Variants in SCARA5 observed in about 807,000 individuals in gnomAD.
The protein encoded by SCARA5 is scavenger receptor class A, member 5 (putative).
SCARA5 carries 45 observed loss-of-function variants against 46.3 expected under a neutral mutation model. That is an observed-to-expected ratio of 0.97 (90% confidence interval 0.76 to 1.24). The LOEUF (loss-of-function observed/expected upper bound fraction) is 1.24, where lower values mean the gene tolerates loss of function less well. Among genes scored for constraint, SCARA5 ranks in the 50% most tolerant of loss-of-function variants. The pLI is 0.00. For missense variants in SCARA5, 680 were observed against 689.0 expected, an observed-to-expected ratio of 0.99 and a Z score of 0.15; for synonymous variants, 333 against 306.5, an observed-to-expected ratio of 1.09 and a Z score of -0.90.
intron 3 of SCARA5, among the ~76,000 whole-genome samples, chr8:27,947,277 G>C (rs567585510): frequency 1.4e-4 from 21 of 152,286 alleles, no homozygotes; most frequent in Admixed American, 4.6e-4. Flanking sequence ...CTCCCAAAGT[G>C]CTGGGATTAC....
intron 3 of SCARA5, among the ~76,000 whole-genome samples, chr8:27,924,233 A>G (rs1335665694): frequency 6.6e-6 from 1 of 152,224 alleles, no homozygotes; most frequent in African/African-American, 2.4e-5. Context: ...GGCACAGAAC[A>G]AATTCCACCT....
intron 2 of SCARA5, among the ~76,000 whole-genome samples, chr8:27,979,207 C>A (rs1808574083): frequency 6.6e-6 from 1 of 152,216 alleles, no homozygotes; most frequent in East Asian, 1.9e-4. Flanking sequence ...TGACTTCCCA[C>A]TCGCTCCTCT....
At chr8:27,983,040 C>A (rs1808648069) in intron 2 of SCARA5, among the ~76,000 whole-genome samples, 1 of 152,202 alleles carries the variant, frequency 6.6e-6, no homozygotes, top group Admixed American at 6.5e-5. Flanking sequence ...AGCCCATACC[C>A]CAAGGGTGTC....
chr8:27,891,212 T>G (rs1234635336), intron 7 of SCARA5, among the ~76,000 whole-genome samples: 1 of 151,122 alleles, frequency 6.6e-6, no homozygotes, highest in African/African-American at 2.4e-5. Flanking sequence ...TTTTTTTTGT[T>G]TTTTTTTTTA....
At chr8:27,965,190 T>C (rs143492062) in intron 3 of SCARA5, among the ~76,000 whole-genome samples, 8 of 152,308 alleles carry the variant, frequency 5.3e-5, no homozygotes, top group African/African-American at 1.9e-4. Flanking sequence ...TCAGGCAGCA[T>C]TGAACACCCC....
intron 2 of SCARA5, among the ~76,000 whole-genome samples, chr8:27,981,442 G>A (rs1808613112): frequency 6.6e-6 from 1 of 152,192 alleles, no homozygotes; most frequent in South Asian, 2.1e-4. Context: ...GGAGGGACAG[G>A]AGCAGCCCTG....
chr8:27,923,360 G>T (rs1221476658), intron 3 of SCARA5, among the ~76,000 whole-genome samples: 1 of 152,194 alleles, frequency 6.6e-6, no homozygotes, highest in Non-Finnish European at 1.5e-5. Context: ...AAGCCACAGT[G>T]TCTCCTGGAG....
At chr8:27,951,003 A>T (rs754536729) in intron 3 of SCARA5, among the ~76,000 whole-genome samples, 83 of 152,258 alleles carry the variant, frequency 5.5e-4, no homozygotes, top group African/African-American at 2.0e-3. Context: ...TGCTTAATAC[A>T]TCATCTCATC....
intron 2 of SCARA5, among the ~76,000 whole-genome samples, chr8:27,986,971 G>C (rs1808714489): frequency 6.6e-6 from 1 of 152,206 alleles, no homozygotes; most frequent in Non-Finnish European, 1.5e-5. Context: ...TGGATCTCCA[G>C]GGTTTTAGCA....
At chr8:27,937,455 T>A (rs1174166824) in intron 3 of SCARA5, among the ~76,000 whole-genome samples, 1 of 152,176 alleles carries the variant, frequency 6.6e-6, no homozygotes, top group Non-Finnish European at 1.5e-5. Flanking sequence ...GAGGCCCCAG[T>A]TGCCACAGTG....
chr8:27,923,619 AG>A (rs1167113362), intron 3 of SCARA5, among the ~76,000 whole-genome samples: 1 of 152,154 alleles, frequency 6.6e-6, no homozygotes, highest in African/African-American at 2.4e-5. Context: ...TGCTGTCGCC[AG>A]GTTGGAGTGC....
Position 27,871,896 on chromosome 8 carries a change from GC to G in SCARA5, c.*37del. The G allele has an allele frequency of 6.2e-7, 1 of 1,612,840 alleles. No homozygotes were observed. Among genetic ancestry groups the G allele is most frequent in the South Asian group, 1.1e-5 (1 of 91,020 alleles). On this transcript the variant is annotated 3_prime_UTR_variant, in exon 9 of 9. Transcript: ENST00000354914. Reference sequence around the variant, plus strand: ...CCCACCCCAGGGATGCAGGAAGGGTGCTCTGTGCAGGACCCCGAACTTGGGC... The same window carrying G: ...CCCACCCCAGGGATGCAGGAAGGGTGTCTGTGCAGGACCCCGAACTTGGGC...
At chr8:27,918,592 AGAGGAGGAGAAG>A (rs1224828688) in intron 4 of SCARA5, among the ~76,000 whole-genome samples, 1 of 149,256 alleles carries the variant, frequency 6.7e-6, no homozygotes, top group Non-Finnish European at 1.5e-5. Context: ...AGAAGGAAGA[AGAGGAGGAGAAG>A]GAGGAGGAAG....
At chr8:27,973,774 A>G (rs1372611545) in intron 2 of SCARA5, among the ~76,000 whole-genome samples, 1 of 152,226 alleles carries the variant, frequency 6.6e-6, no homozygotes, top group African/African-American at 2.4e-5. Context: ...GTGAAGACAC[A>G]TTCTTGGAAA....
chr8:27,932,258 G>A (rs962453860), intron 3 of SCARA5, among the ~76,000 whole-genome samples: 5 of 152,170 alleles, frequency 3.3e-5, no homozygotes, highest in African/African-American at 1.2e-4. Context: ...GAGATTACAG[G>A]TATGAGCCAC....
At chr8:27,907,080 C>T in intron 6 of SCARA5, 68 bp downstream of exon 6, 2 of 1,117,684 alleles carry the variant, frequency 1.8e-6, no homozygotes, top group Non-Finnish European at 2.6e-6. Flanking sequence ...TCCTGGTCCC[C>T]CATGCCAATG....
intron 3 of SCARA5, among the ~76,000 whole-genome samples, chr8:27,952,296 G>A (rs1808140919): frequency 6.6e-6 from 1 of 152,186 alleles, no homozygotes; most frequent in African/African-American, 2.4e-5. Flanking sequence ...CCTCCGAGCT[G>A]TGAGAAAATA....
chr8:27,876,405 T>C (rs1258902018), intron 8 of SCARA5, among the ~76,000 whole-genome samples: 1 of 152,052 alleles, frequency 6.6e-6, no homozygotes, highest in African/African-American at 2.4e-5. Context: ...GTTCAAGGAA[T>C]GCCAGAGGAG....
intron 2 of SCARA5, among the ~76,000 whole-genome samples, chr8:27,984,421 T>C (rs33910583): frequency 0.22 from 33,387 of 151,928 alleles, 4,098 homozygotes; most frequent in East Asian, 0.36. Context: ...CAGGTGTAGA[T>C]GGTGAATGCT....
Sources: gnomAD v4.1 joint callset for allele counts (sites outside exome capture counted in the v4.1 genomes callset) on GRCh38, gnomAD v4.1.1 for gene constraint, MANE v1.5 for transcripts, NCBI Gene and HGNC (gene_info 2026-07-23, HGNC 2026-07-21) for gene names.